The following MYO5B variants were observed in gnomAD, a reference collection of about 807,000 sequenced individuals.
MYO5B encodes the protein myosin VB, also known as unconventional myosin-Vb.
MYO5B carries 143 observed loss-of-function variants against 229.3 expected under a neutral mutation model. That is an observed-to-expected ratio of 0.62 (90% CI 0.54 to 0.72). The LOEUF is 0.72. Among genes scored for constraint, MYO5B ranks in the 30% least tolerant of loss-of-function variants. The pLI is 0.00. For missense variants in MYO5B, 2,321 were observed against 2,331.0 expected, an observed-to-expected ratio of 1.00 and a Z score of 0.09; for synonymous variants, 918 against 885.2, an observed-to-expected ratio of 1.04 and a Z score of -0.66.
At chr18:49,975,411 G>A (rs1239459448) in intron 9 of MYO5B, among the ~76,000 whole-genome samples, 1 of 152,180 alleles carries the variant, frequency 6.6e-6, no homozygotes, top group Non-Finnish European at 1.5e-5. Flanking sequence ...CAGATGTGCT[G>A]GGTGAGAGGC....
intron 1 of MYO5B, among the ~76,000 whole-genome samples, chr18:50,162,841 G>A (rs2032788961): frequency 6.6e-6 from 1 of 152,146 alleles, no homozygotes; most frequent in African/African-American, 2.4e-5. Flanking sequence ...CAGCTACACA[G>A]CACCTCACAG....
intron 11 of MYO5B, 106 bp downstream of exon 11, chr18:49,962,843 A>G: frequency 1.0e-6 from 1 of 957,096 alleles, no homozygotes; most frequent in Non-Finnish European, 1.7e-6. Context: ...GGATATCAGA[A>G]CGTAGCCAGG....
intron 20 of MYO5B, among the ~76,000 whole-genome samples, chr18:49,904,063 C>A (rs1490296659): frequency 6.6e-6 from 1 of 152,256 alleles, no homozygotes. Flanking sequence ...CCTGGCTTCT[C>A]TGAGCAACTC....
intron 17 of MYO5B, among the ~76,000 whole-genome samples, chr18:49,922,412 C>A (rs531270223): frequency 2.0e-5 from 3 of 152,168 alleles, no homozygotes; most frequent in Non-Finnish European, 4.4e-5. Context: ...CCTGCCCTCT[C>A]ACCGCTCATC....
At chr18:49,977,415 C>T (rs552371563) in intron 9 of MYO5B, among the ~76,000 whole-genome samples, 69 of 152,222 alleles carry the variant, frequency 4.5e-4, no homozygotes, top group African/African-American at 1.5e-3. Context: ...AGAAGGCACA[C>T]TGCGTATGGA....
intron 1 of MYO5B, among the ~76,000 whole-genome samples, chr18:50,114,428 G>T (rs2031920283): frequency 6.6e-6 from 1 of 152,150 alleles, no homozygotes; most frequent in African/African-American, 2.4e-5. Flanking sequence ...GCTAACCAAG[G>T]CTCCTCTTGG....
intron 1 of MYO5B, among the ~76,000 whole-genome samples, chr18:50,088,698 T>C (rs1365507767): frequency 2.6e-5 from 4 of 152,248 alleles, no homozygotes; most frequent in African/African-American, 4.8e-5. Flanking sequence ...ATTTAAAATG[T>C]ATGCATTCAC....
At position 49,910,252 on chromosome 18, in the gene MYO5B, C is replaced by T. The variant is rs557560270; in HGVS notation, c.2202+1810G>A. ...GAGCCCAGTGTGGGGGCCGACTCAG[C>T]CAGTCTGATCCGGGTCCCCTCCAGA... On this transcript the variant is annotated intron_variant, in intron 18 of 39. Transcript: ENST00000285039. 2.6e-5 allele frequency among the ~76,000 whole-genome samples: 4 copies of T among 152,258 alleles called. No individual in the cohort carries two copies. In the South Asian group the frequency reaches 8.3e-4, roughly 32 times the overall value.
At chr18:50,134,091 A>G (rs1270399798) in intron 1 of MYO5B, among the ~76,000 whole-genome samples, 1 of 152,206 alleles carries the variant, frequency 6.6e-6, no homozygotes, top group Admixed American at 6.5e-5. Flanking sequence ...TGCTCCCGGA[A>G]AAAGGAACTG....
intron 1 of MYO5B, among the ~76,000 whole-genome samples, chr18:50,070,851 C>A (rs73446631): frequency 0.094 from 13,999 of 148,930 alleles, 1,192 homozygotes; most frequent in African/African-American, 0.23. Context: ...CAGCCACATT[C>A]ACCTGTTTTG....
Position 50,136,513 on chromosome 18 carries a change from C to A in MYO5B, c.27+58254G>T, listed in dbSNP as rs193015202. Among the ~76,000 whole-genome samples, 539 of 152,200 alleles carry A rather than the reference C, an allele frequency of 3.5e-3. 2 individuals carry two copies. The highest frequency in any genetic ancestry group is 0.01 in the Middle Eastern group (3 of 294). On this transcript the variant is annotated intron_variant, in intron 1 of 39. Transcript: ENST00000285039. ...GGCTCTTGCTCATTCTTTTTAACCT[C>A]TTCAAATCTAAATCAGACTCCAAGG...
intron 2 of MYO5B, among the ~76,000 whole-genome samples, chr18:50,040,744 T>C (rs1056226602): frequency 6.6e-6 from 1 of 152,180 alleles, no homozygotes; most frequent in Non-Finnish European, 1.5e-5. Context: ...TGAACTGCCC[T>C]CTATAAGCGG....
intron 39 of MYO5B, among the ~76,000 whole-genome samples, chr18:49,833,530 A>C (rs1309909787): frequency 6.6e-6 from 1 of 152,236 alleles, no homozygotes; most frequent in Non-Finnish European, 1.5e-5. Context: ...TTTTGAGAGA[A>C]TAGTTGGGCT....
At chr18:50,146,629 G>A (rs2032507137) in intron 1 of MYO5B, among the ~76,000 whole-genome samples, 1 of 152,222 alleles carries the variant, frequency 6.6e-6, no homozygotes, top group African/African-American at 2.4e-5. Context: ...AGTCCTTGCT[G>A]TCTGGGATGA....
chr18:49,895,349 T>C (rs774923007), intron 21 of MYO5B, among the ~76,000 whole-genome samples, 175 bp from the exon 22 acceptor site: 9 of 152,210 alleles, frequency 5.9e-5, no homozygotes, highest in Non-Finnish European at 1.2e-4. Context: ...AAAACACTAA[T>C]GTAAACTTAC....
intron 2 of MYO5B, among the ~76,000 whole-genome samples, chr18:50,042,624 T>A (rs1375378393): frequency 6.6e-6 from 1 of 152,214 alleles, no homozygotes; most frequent in East Asian, 1.9e-4. Flanking sequence ...TTTCATTCAA[T>A]TCCAGAGTTG....
chr18:50,043,365 TATATA>T (rs2030095132), intron 2 of MYO5B, among the ~76,000 whole-genome samples: 1 of 109,862 alleles, frequency 9.1e-6, no homozygotes, highest in African/African-American at 3.7e-5. Context: ...ATAAATATAT[TATATA>T]ATATATAATA....
intron 22 of MYO5B, among the ~76,000 whole-genome samples, chr18:49,884,019 A>G (rs956112307): frequency 6.6e-6 from 1 of 152,040 alleles, no homozygotes; most frequent in African/African-American, 2.4e-5. Context: ...AGAAGAAAAC[A>G]TGGCAACAAA....
At chr18:49,953,176 C>A (rs2025447823) in intron 14 of MYO5B, 84 bp downstream of exon 14, 2 of 1,297,278 alleles carry the variant, frequency 1.5e-6, no homozygotes, top group African/African-American at 2.9e-5. Flanking sequence ...TGTCTTTCCA[C>A]CCCAAGGAGG....
Sources: allele counts gnomAD v4.1 joint callset (sites outside exome capture counted in the v4.1 genomes callset), GRCh38; gene constraint gnomAD v4.1.1; transcripts MANE v1.5; gene names NCBI Gene and HGNC (gene_info 2026-07-23, HGNC 2026-07-21).